The following TMEM67 variants were observed in gnomAD, a reference collection of about 807,000 sequenced individuals.
TMEM67 encodes meckelin.
A neutral mutation model predicts 136.6 loss-of-function variants in TMEM67; 124 were observed. That is an observed-to-expected ratio of 0.91 (90% confidence interval 0.78 to 1.05). The LOEUF is 1.05. Among genes scored for constraint, TMEM67 ranks in the 50% least tolerant of loss-of-function variants. The pLI is 0.00. For synonymous variants in TMEM67, 364 were observed against 390.5 expected (o/e 0.93, Z 0.80); for missense variants, 1,107 against 1,178.4 (o/e 0.94, Z 0.89).
chr8:93,795,245 G>A (rs1307658580), intron 16 of TMEM67, 164 bp from the exon 17 acceptor site: 1 of 679,234 alleles, frequency 1.5e-6, no homozygotes, highest in African/African-American at 1.8e-5. Flanking sequence ...AGGTAGCAAG[G>A]AGGAGGAAGC....
chr8:93,794,243 A>T (rs1419961448), intron 16 of TMEM67, among the ~76,000 whole-genome samples: 1 of 152,138 alleles, frequency 6.6e-6, no homozygotes, highest in Non-Finnish European at 1.5e-5. Context: ...TCATGTTATG[A>T]TACGTGCTTT....
chr8:93,828,742 CAAAAAA>C, the TMEM67 span, among the ~76,000 whole-genome samples: 1 of 89,298 alleles, frequency 1.1e-5, no homozygotes. Context: ...AAGACTGTCT[CAAAAAA>C]AAAAAAAAAA....
chr8:93,789,138 T>C (rs1300887135), intron 14 of TMEM67, among the ~76,000 whole-genome samples: 1 of 152,210 alleles, frequency 6.6e-6, no homozygotes, highest in Non-Finnish European at 1.5e-5. Context: ...CTATTTTACT[T>C]CTGTATTTTA....
intron 21 of TMEM67, among the ~76,000 whole-genome samples, chr8:93,802,899 A>C (rs1373224977): frequency 6.6e-6 from 1 of 152,218 alleles, no homozygotes; most frequent in East Asian, 1.9e-4. Context: ...ACAGGAACAA[A>C]TGACAGATTG....
intron 2 of TMEM67, chr8:93,756,626 T>C (rs1812583664): frequency 6.6e-6 from 1 of 152,180 alleles, no homozygotes; most frequent in African/African-American, 2.4e-5. Flanking sequence ...TTATTTTATA[T>C]CTTTATAATA....
the TMEM67 span, among the ~76,000 whole-genome samples, chr8:93,826,036 C>G: frequency 6.8e-6 from 1 of 146,446 alleles, no homozygotes; most frequent in Non-Finnish European, 1.5e-5. Flanking sequence ...AGACTCATTT[C>G]TATAGTTGTG....
At chr8:93,798,070 A>G (rs921338884) in intron 20 of TMEM67, among the ~76,000 whole-genome samples, 19 of 152,196 alleles carry the variant, frequency 1.2e-4, no homozygotes, top group African/African-American at 4.1e-4. Context: ...AGAACTCTTC[A>G]TCTTGCAAAA....
At chr8:93,782,874 C>T (rs766039808) in intron 11 of TMEM67, among the ~76,000 whole-genome samples, 24 of 151,862 alleles carry the variant, frequency 1.6e-4, no homozygotes, top group African/African-American at 3.9e-4. Flanking sequence ...CGTGCCTGGC[C>T]GGAAATGTTT....
intron 7 of TMEM67, among the ~76,000 whole-genome samples, chr8:93,778,171 G>T (rs1448216818): frequency 1.3e-5 from 2 of 152,160 alleles, no homozygotes; most frequent in African/African-American, 4.8e-5. Context: ...GACTAGGATT[G>T]CAATGCCTGC....
chr8:93,818,769 CTTG>C (rs1053628576), downstream of TMEM67, among the ~76,000 whole-genome samples: 27 of 152,232 alleles, frequency 1.8e-4, no homozygotes, highest in African/African-American at 5.1e-4. Context: ...TTGCTTACCA[CTTG>C]TTGTAAGGAT....
chr8:93,792,773 CTTTT>C (rs11379711), intron 15 of TMEM67, among the ~76,000 whole-genome samples: 1 of 136,118 alleles, frequency 7.3e-6, no homozygotes, highest in Non-Finnish European at 1.6e-5. Context: ...TGTGTCCTTT[CTTTT>C]TTTTTTTTTT....
downstream of TMEM67, among the ~76,000 whole-genome samples, chr8:93,822,616 T>G (rs1017071528): frequency 6.6e-6 from 1 of 152,192 alleles, no homozygotes; most frequent in Non-Finnish European, 1.5e-5. Context: ...TCTCCCCATC[T>G]TCCACTTCAC....
Position 93,755,038 on chromosome 8 carries a change from C to A in TMEM67, c.124C>A (p.Pro42Thr). The change falls in exon 1 of 28, where the codon CCT (proline) becomes ACT (threonine). Residue 42 changes from proline (P) to threonine (T), a missense_variant. Coordinates refer to ENST00000453321, the MANE Select transcript of TMEM67 (RefSeq NM_153704.6). ...CTTACAGGCCCAGACCTTCTCTTTC[C>A]CTTTCCAGCAGCCGGAGAAGTGCGA... ...RFLQAQTFSF[P>T]FQQPEKCDNN... 6.2e-7 allele frequency: 1 copy of A among 1,614,218 alleles called. No homozygotes were observed. Among genetic ancestry groups the A allele is most frequent in the Non-Finnish European group, 8.5e-7 (1 of 1,180,042 alleles).
At chr8:93,800,864 A>T (rs116193112) in intron 21 of TMEM67, among the ~76,000 whole-genome samples, 5,039 of 152,224 alleles carry the variant, frequency 0.033, 266 homozygotes, top group African/African-American at 0.11. Flanking sequence ...CTTATTGTTT[A>T]CATTTATTTA....
chr8:93,782,605 C>T lies in TMEM67; in HGVS notation c.1131+145C>T, dbSNP rs11777011. On this transcript the variant is annotated intron_variant, in intron 11 of 27. Transcript: ENST00000453321. ...TTTTTTTTTTTGAGATGGAGTTTTG[C>T]TCTTGTTGCCCAGGCTGGAGTGCAG... The T allele has an allele frequency of 0.034, 19,912 of 581,960 alleles. 481 individuals are homozygous for T. The highest frequency in any genetic ancestry group is 0.043 in the Non-Finnish European group (15,279 of 354,040). 36.0% of individuals were successfully genotyped at this position (581,960 alleles called of 1,614,324 possible). A position where few individuals can be genotyped will look rare whatever the true frequency, so the allele number is the denominator to read the frequency against.
At chr8:93,787,155 C>T (rs981846694) in intron 13 of TMEM67, among the ~76,000 whole-genome samples, 3 of 152,070 alleles carry the variant, frequency 2.0e-5, no homozygotes, top group Admixed American at 6.5e-5. Flanking sequence ...GTGATTGGCA[C>T]TTTCCTTTTT....
At chr8:93,786,118 G>T in intron 12 of TMEM67, 105 bp from the exon 13 acceptor site, 1 of 1,066,828 alleles carries the variant, frequency 9.4e-7, no homozygotes, top group Non-Finnish European at 1.4e-6. Context: ...GAACGCCATT[G>T]TCAGGTGTTT....
rs1226002299 is a variant in TMEM67, at chr8:93,755,120, A to G, written c.206A>G (p.Gln69Arg). ...ALSCVPCGANQRQDARGTSCV... is the reference protein window; with the variant it reads ...ALSCVPCGANRRQDARGTSCV... ...TCGTGTGTTCCTTGTGGAGCTAACCAGAGGCAAGATGCCCGAGGTAAGACG... is the reference window on the plus strand; with the variant it reads ...TCGTGTGTTCCTTGTGGAGCTAACCGGAGGCAAGATGCCCGAGGTAAGACG... The change falls in exon 1 of 28, where the codon CAG (glutamine) becomes CGG (arginine). Residue 69 changes from glutamine to arginine, a missense_variant. Physicochemically the swap from Gln to Arg is conservative, Grantham distance 43 (BLOSUM62 1). Transcript: ENST00000453321. The G allele has an allele frequency of 6.2e-7, 1 of 1,614,174 alleles. No homozygotes were observed. The highest frequency in any genetic ancestry group is 2.2e-5 in the East Asian group (1 of 44,882).
At chr8:93,805,216 C>T (rs924898790) in intron 23 of TMEM67, among the ~76,000 whole-genome samples, 2 of 152,106 alleles carry the variant, frequency 1.3e-5, no homozygotes, top group Non-Finnish European at 1.5e-5. Context: ...GGTGATCCAC[C>T]CACCTTGGCC....
Sources: allele counts gnomAD v4.1 joint callset (sites outside exome capture counted in the v4.1 genomes callset), GRCh38; gene constraint gnomAD v4.1.1; transcripts MANE v1.5; gene names NCBI Gene and HGNC (gene_info 2026-07-23, HGNC 2026-07-21).